PDZD2: variants seen among roughly 807,000 people sequenced by gnomAD.
PDZD2 encodes PDZ domain containing 2.
A neutral mutation model predicts 220.7 loss-of-function variants in PDZD2; 90 were observed. The observed-to-expected ratio is 0.41, with a 90% CI of 0.34 to 0.49. PDZD2 has a LOEUF of 0.49. Among genes scored for constraint, PDZD2 ranks in the 20% least tolerant of loss-of-function variants. PDZD2 has a pLI of 0.28. For missense variants in PDZD2, 3,174 were observed against 3,608.5 expected (o/e 0.88, Z 3.08); for synonymous variants, 1,375 against 1,450.5 (o/e 0.95, Z 1.18).
chr5:31,966,015 A>G (rs940515458), intron 2 of PDZD2, among the ~76,000 whole-genome samples: 48 of 152,208 alleles, frequency 3.2e-4, no homozygotes, highest in Non-Finnish European at 6.5e-4. Flanking sequence ...CCTGGTCATG[A>G]TGAGCAGCAT....
intron 2 of PDZD2, among the ~76,000 whole-genome samples, chr5:31,937,626 C>T (rs956053835): frequency 4.6e-5 from 7 of 152,306 alleles, no homozygotes; most frequent in Admixed American, 1.3e-4. Context: ...TCTCTCTTTC[C>T]GTGTGATTTC....
chr5:31,797,171 C>T (rs1276814485), intron 1 of PDZD2, among the ~76,000 whole-genome samples: 1 of 137,956 alleles, frequency 7.2e-6, no homozygotes, highest in African/African-American at 2.8e-5. Context: ...TCTTGATCTC[C>T]TGACCTTGTG....
chr5:31,894,058 CTTTTTTTTTTTTTTTT>C (rs35969573), intron 2 of PDZD2, among the ~76,000 whole-genome samples: 5 of 69,760 alleles, frequency 7.2e-5, no homozygotes, highest in Non-Finnish European at 1.3e-4. Flanking sequence ...CCACGCCCAG[CTTTTTTTTTTTTTTTT>C]TTTTTTTTTT....
intron 2 of PDZD2, among the ~76,000 whole-genome samples, chr5:31,828,396 C>T (rs377512281): frequency 1.3e-5 from 2 of 152,218 alleles, no homozygotes; most frequent in South Asian, 2.1e-4. Context: ...AGCTGTATCT[C>T]ACTGTGACTT....
At chr5:31,692,181 G>A (rs1389500600) in intron 1 of PDZD2, among the ~76,000 whole-genome samples, 1 of 152,242 alleles carries the variant, frequency 6.6e-6, no homozygotes, top group Non-Finnish European at 1.5e-5. Flanking sequence ...AAGGCCCGGC[G>A]AGAAATTGAG....
chr5:32,082,062 C>A (rs1742017493), intron 19 of PDZD2, among the ~76,000 whole-genome samples: 1 of 144,528 alleles, frequency 6.9e-6, no homozygotes, highest in African/African-American at 2.6e-5. Context: ...CCCTCTGTCA[C>A]CCAGGCTGGA....
intron 1 of PDZD2, among the ~76,000 whole-genome samples, chr5:31,694,734 C>T (rs1381803236): frequency 3.2e-5 from 4 of 125,284 alleles, no homozygotes; most frequent in African/African-American, 1.1e-4. Context: ...ATTGCCTTTA[C>T]AATAAATGCC....
chr5:31,700,892 G>C (rs565723219), intron 1 of PDZD2, among the ~76,000 whole-genome samples: 15 of 152,302 alleles, frequency 9.8e-5, no homozygotes, highest in African/African-American at 3.4e-4. Flanking sequence ...GAGTTCTTCC[G>C]AATGTCAGGA....
At chr5:31,930,209 TTTTTTTTTTTTTTTTG>T (rs1403868190) in intron 2 of PDZD2, among the ~76,000 whole-genome samples, 2 of 60,988 alleles carry the variant, frequency 3.3e-5, no homozygotes, top group Non-Finnish European at 3.5e-5. Context: ...TTTTTTTTTT[TTTTTTTTTTTTTTTTG>T]GAGACAGTCT....
At position 32,075,112 on chromosome 5, in the gene PDZD2, T is replaced by G. The variant is rs1479657733; in HGVS notation, c.3537+469T>G. Among the ~76,000 whole-genome samples, 7 of 152,150 alleles carry G rather than the reference T, an allele frequency of 4.6e-5. No individual in the cohort carries two copies. In the East Asian group the frequency reaches 1.2e-3, roughly 25 times the overall value. On this transcript the variant is annotated intron_variant, in intron 18 of 24. Transcript: ENST00000438447. Reference sequence around the variant, plus strand: ...CAAGCGTGAGCCACCGCACCCAGCCTAGGGAGCTTATTAATGTATCAGCAG... The same window carrying G: ...CAAGCGTGAGCCACCGCACCCAGCCGAGGGAGCTTATTAATGTATCAGCAG...
chr5:31,992,304 G>C (rs1751281027), intron 3 of PDZD2, among the ~76,000 whole-genome samples: 1 of 152,142 alleles, frequency 6.6e-6, no homozygotes, highest in African/African-American at 2.4e-5. Context: ...TCTGCCCTCT[G>C]AAGCCAGTTT....
chr5:31,699,478 G>A (rs1747521983), intron 1 of PDZD2, among the ~76,000 whole-genome samples: 1 of 152,094 alleles, frequency 6.6e-6, no homozygotes, highest in Admixed American at 6.6e-5. Flanking sequence ...GCCAGGCATG[G>A]TGGCTCATGC....
chr5:31,835,434 C>A (rs1242203373), intron 2 of PDZD2, among the ~76,000 whole-genome samples: 1 of 37,206 alleles, frequency 2.7e-5, no homozygotes, highest in African/African-American at 9.4e-5. Flanking sequence ...GCCTGGCCAA[C>A]ATGATGAAAC....
chr5:31,689,353 A>ATTTTTTTT lies in PDZD2; in HGVS notation c.-361+49929_-361+49936dup, dbSNP rs1160111594. The stretch of plus-strand genomic sequence containing the variant: ...TACATATACATATATATATATATAT[A>ATTTTTTTT]TTTTTTTTTTTTTTTTTTTTAAGTC... On this transcript the variant is annotated intron_variant, in intron 1 of 24. Transcript: ENST00000438447. 1.2e-3 allele frequency among the ~76,000 whole-genome samples: 42 copies of ATTTTTTTT among 35,114 alleles called. 1 individual carries two copies. The highest frequency in any genetic ancestry group is 3.7e-3 in the African/African-American group (18 of 4,802). 23.0% of individuals were successfully genotyped at this position (35,114 alleles called of 152,430 possible).
chr5:31,856,457 C>T (rs974786068), intron 2 of PDZD2, among the ~76,000 whole-genome samples: 4 of 151,336 alleles, frequency 2.6e-5, no homozygotes, highest in East Asian at 1.9e-4. Flanking sequence ...GGTTCGGAAT[C>T]GAAGTGAATT....
intron 2 of PDZD2, among the ~76,000 whole-genome samples, chr5:31,879,322 G>T (rs1739641219): frequency 6.6e-6 from 1 of 151,064 alleles, no homozygotes; most frequent in African/African-American, 2.4e-5. Flanking sequence ...GGGAGGCCGA[G>T]CTTGCAGTGA....
At chr5:32,105,236 A>T (rs1744654261) in intron 24 of PDZD2, among the ~76,000 whole-genome samples, 1 of 152,202 alleles carries the variant, frequency 6.6e-6, no homozygotes, top group Non-Finnish European at 1.5e-5. Context: ...TAAAGAAAGC[A>T]ATAGCAAATG....
rs1742532517 is a variant in PDZD2 at position 32,087,005 on chromosome 5, A to T, written c.3683-126A>T. On this transcript the variant is annotated intron_variant, in intron 19 of 24. Transcript: ENST00000438447. This position sits in a 1 kb window ranked among gnomAD's most constrained non-coding sequence, Gnocchi z 4.0. ...CGCCCAGCTTTCTGAAAAAGAAAAAAATATTTGAGGTTGTTTATAATTTTC... is the reference window on the plus strand; with the variant it reads ...CGCCCAGCTTTCTGAAAAAGAAAAATATATTTGAGGTTGTTTATAATTTTC... 1.5e-6 allele frequency: 1 copy of T among 649,100 alleles called. No individual in the cohort carries two copies. Among genetic ancestry groups the T allele is most frequent in the Non-Finnish European group, 2.7e-6 (1 of 373,262 alleles). 40.2% of individuals were successfully genotyped at this position (649,100 alleles called of 1,614,324 possible). A position where few individuals can be genotyped will look rare whatever the true frequency, so the allele number is the denominator to read the frequency against.
At chr5:31,904,019 A>C (rs1350067723) in intron 2 of PDZD2, among the ~76,000 whole-genome samples, 1 of 147,480 alleles carries the variant, frequency 6.8e-6, no homozygotes, top group Non-Finnish European at 1.5e-5. Context: ...GGCATGAGCC[A>C]TTGCACCCAG....
Sources: allele counts gnomAD v4.1 joint callset (sites outside exome capture counted in the v4.1 genomes callset), GRCh38; gene constraint gnomAD v4.1.1; non-coding constraint Gnocchi (gnomAD v3.1); transcripts MANE v1.5; gene names NCBI Gene and HGNC (gene_info 2026-07-23, HGNC 2026-07-21).